Variants in CFAP47 observed in about 807,000 individuals in gnomAD.
CFAP47 encodes cilia- and flagella-associated protein 47.
A neutral mutation model predicts 148.1 loss-of-function variants in CFAP47; 29 were observed. That is an observed-to-expected ratio of 0.20 (90% CI 0.15 to 0.27). CFAP47 has a LOEUF of 0.27. Among genes scored for constraint, CFAP47 ranks in the 10% least tolerant of loss-of-function variants. CFAP47 has a pLI of 1.00. For missense variants in CFAP47, 1,872 were observed against 1,697.5 expected (o/e 1.10, Z -1.81); for synonymous variants, 664 against 577.3 (o/e 1.15, Z -2.15).
rs747261367 is a variant in CFAP47, at chrX:35,938,032, G to T, written c.402-3251G>T. Among the ~76,000 whole-genome samples, 12 of 111,006 alleles carry T rather than the reference G, an allele frequency of 1.1e-4. No homozygotes were observed. The South Asian group carries it at 4.5e-3, about 42-fold the overall frequency. ...TTCTTTTATATTTAAAAATATCTAC[G>T]ATTTTCATCATTAGTTTGAACACTT... On this transcript the variant is annotated intron_variant, in intron 2 of 63. Transcript: ENST00000378653.
intron 39 of CFAP47, among the ~76,000 whole-genome samples, chrX:36,165,564 A>G (rs1335729936): frequency 9.0e-6 from 1 of 111,194 alleles, no homozygotes; most frequent in Non-Finnish European, 1.9e-5. Context: ...AATATTACAT[A>G]CCCAACAATA....
At chrX:36,111,502 G>T (rs1431426398) in intron 33 of CFAP47, among the ~76,000 whole-genome samples, 1 of 111,909 alleles carries the variant, frequency 8.9e-6, no homozygotes, top group Non-Finnish European at 1.9e-5. Flanking sequence ...AATTCAGTTT[G>T]CCAGTATTTT....
chrX:36,018,894 C>A (rs1230681560), intron 22 of CFAP47, among the ~76,000 whole-genome samples: 1 of 109,560 alleles, frequency 9.1e-6, no homozygotes, highest in Non-Finnish European at 1.9e-5. Context: ...CCATTGTCTT[C>A]TGTTTTTCAG....
At chrX:36,005,318 T>C (rs1325261509) in intron 21 of CFAP47, among the ~76,000 whole-genome samples, 1 of 111,851 alleles carries the variant, frequency 8.9e-6, no homozygotes, top group South Asian at 3.6e-4. Flanking sequence ...ATAGGTTTTA[T>C]GGCTACATAC....
chrX:36,023,934 C>T (rs939671420), intron 22 of CFAP47, among the ~76,000 whole-genome samples: 2 of 112,199 alleles, frequency 1.8e-5, no homozygotes, highest in Non-Finnish European at 3.8e-5. Flanking sequence ...CCCAAGAGCC[C>T]GCTTGGTGCT....
At chrX:36,081,914 G>A (rs1374012687) in intron 29 of CFAP47, among the ~76,000 whole-genome samples, 1 of 111,171 alleles carries the variant, frequency 9.0e-6, no homozygotes, top group Non-Finnish European at 1.9e-5. Flanking sequence ...TTTCCCTTGA[G>A]TACTAGAACA....
intron 48 of CFAP47, among the ~76,000 whole-genome samples, chrX:36,243,891 A>G (rs1940581444): frequency 9.2e-6 from 1 of 108,863 alleles, no homozygotes; most frequent in South Asian, 4.0e-4. Context: ...CCTAATAGAA[A>G]GCTATACAAT....
chrX:36,032,653 G>A (rs1937293856), intron 23 of CFAP47, among the ~76,000 whole-genome samples: 1 of 110,911 alleles, frequency 9.0e-6, no homozygotes, highest in Admixed American at 9.7e-5. Context: ...TTCCTAGTGG[G>A]CAGTCAAAAG....
At chrX:36,211,145 G>A in intron 45 of CFAP47, 1 of 262,828 alleles carries the variant, frequency 3.8e-6, no homozygotes, top group Admixed American at 4.2e-5. Flanking sequence ...CAGCCAAGAG[G>A]CAAAATGTCA....
chrX:36,215,892 A>G (rs1309132714), intron 45 of CFAP47, among the ~76,000 whole-genome samples: 4 of 111,752 alleles, frequency 3.6e-5, no homozygotes, highest in Non-Finnish European at 7.5e-5. Context: ...GAGGTCAACT[A>G]GGGATGTTGC....
chrX:36,120,697 C>T (rs1938727162), intron 33 of CFAP47, among the ~76,000 whole-genome samples: 1 of 110,922 alleles, frequency 9.0e-6, no homozygotes, highest in Non-Finnish European at 1.9e-5. Flanking sequence ...ATTCCTTTCT[C>T]ATTTTATTCC....
intron 21 of CFAP47, among the ~76,000 whole-genome samples, chrX:36,012,396 G>C (rs939779568): frequency 2.7e-5 from 3 of 111,786 alleles, no homozygotes; most frequent in Non-Finnish European, 3.8e-5. Context: ...ATTTACAATA[G>C]CAAAGACTCG....
chrX:35,923,930 T>C (rs936102359), intron 1 of CFAP47, among the ~76,000 whole-genome samples: 40 of 75,344 alleles, frequency 5.3e-4, no homozygotes, highest in Non-Finnish European at 8.9e-4. Context: ...TACATATATA[T>C]GTGTATATAT....
At chrX:35,957,083 C>G (rs771203191) in intron 8 of CFAP47, among the ~76,000 whole-genome samples, 1 of 109,171 alleles carries the variant, frequency 9.2e-6, no homozygotes, top group Admixed American at 9.8e-5. Context: ...GTGGCACATG[C>G]CTCTAGTCCC....
rs192146507 is a variant in CFAP47, at chrX:36,197,492, G to A, written c.6322-2887G>A. 4.8e-3 allele frequency among the ~76,000 whole-genome samples: 537 copies of A among 111,521 alleles called. 2 individuals carry two copies. Among genetic ancestry groups the A allele is most frequent in the Non-Finnish European group, 6.9e-3 (365 of 52,894 alleles). On this transcript the variant is annotated intron_variant, in intron 42 of 63. Transcript: ENST00000378653. The stretch of plus-strand genomic sequence containing the variant: ...TTTAGGTAATTAGTTATCTAATTTC[G>A]TTGTTTTATCTAAAGATCTTCAGTC...
At chrX:35,975,602 C>T (rs1031590559) in intron 14 of CFAP47, 70 bp from the exon 15 acceptor site, 28 of 1,070,917 alleles carry the variant, frequency 2.6e-5, no homozygotes, top group East Asian at 6.1e-5. Flanking sequence ...GTGCATTTTA[C>T]GTGTAGCTGA....
intron 13 of CFAP47, 86 bp downstream of exon 13, chrX:35,972,051 T>G: frequency 1.6e-6 from 1 of 618,966 alleles, no homozygotes; most frequent in Non-Finnish European, 2.5e-6. Flanking sequence ...TCATAAAATT[T>G]AAAGTATGCA....
intron 33 of CFAP47, among the ~76,000 whole-genome samples, chrX:36,131,173 C>T (rs1254820416): frequency 9.1e-6 from 1 of 110,445 alleles, no homozygotes; most frequent in African/African-American, 3.3e-5. Flanking sequence ...ATCTCATGTA[C>T]CCCATAAATA....
chrX:36,385,231 G>T lies in CFAP47; in HGVS notation c.*225G>T, dbSNP rs1942117921. 3.1e-6 allele frequency: 1 copy of T among 320,849 alleles called. No homozygotes were observed. Among genetic ancestry groups the T allele is most frequent in the Non-Finnish European group, 5.4e-6 (1 of 185,293 alleles). 26.4% of individuals were successfully genotyped at this position (320,849 alleles called of 1,213,427 possible). On this transcript the variant is annotated 3_prime_UTR_variant, in exon 64 of 64. Transcript: ENST00000378653. ...ATTGGTTCACTTTTAAAGTGCAGGT[G>T]TATATTTGTGGTAAAACGAAATATA...
Sources: gnomAD v4.1 joint callset for allele counts (sites outside exome capture counted in the v4.1 genomes callset) on GRCh38, gnomAD v4.1.1 for gene constraint, MANE v1.5 for transcripts, NCBI Gene and HGNC (gene_info 2026-07-23, HGNC 2026-07-21) for gene names.